Variants in CPQ observed in about 807,000 individuals in gnomAD.
CPQ encodes the protein carboxypeptidase Q.
CPQ carries 37 observed loss-of-function variants against 45.7 expected under a neutral mutation model. That is an observed-to-expected ratio of 0.81 (90% CI 0.62 to 1.07). The LOEUF is 1.07. Among genes scored for constraint, CPQ ranks in the 50% least tolerant of loss-of-function variants. The pLI, the probability that CPQ is intolerant of heterozygous loss-of-function variation, is 0.00. For missense variants in CPQ, 537 were observed against 572.9 expected (o/e 0.94, Z 0.64); for synonymous variants, 186 against 205.8 (o/e 0.90, Z 0.82).
intron 2 of CPQ, among the ~76,000 whole-genome samples, chr8:96,811,603 G>A (rs1004459760): frequency 3.0e-4 from 46 of 152,128 alleles, no homozygotes; most frequent in Admixed American, 2.9e-3. Flanking sequence ...CATTTATGAG[G>A]TAGAACTAGA....
chr8:96,654,164 G>A lies in CPQ; in HGVS notation c.-35+8762G>A, dbSNP rs530078403. ...TAAGGCACTGGTTCAGAAGCACTCC[G>A]TCAAGTTGTCTTCTGTCAATTCCTC... is the stretch of plus-strand genomic sequence containing the variant. On this transcript the variant is annotated intron_variant, in intron 1 of 7. Transcript: ENST00000220763. Among the ~76,000 whole-genome samples, 144 of 152,274 alleles carry A rather than the reference G, an allele frequency of 9.5e-4. 1 individual carries two copies. Among genetic ancestry groups the A allele is most frequent in the African/African-American group, 3.4e-3 (142 of 41,564 alleles).
intron 5 of CPQ, among the ~76,000 whole-genome samples, chr8:96,989,847 G>A (rs1432435249): frequency 6.6e-6 from 1 of 152,064 alleles, no homozygotes; most frequent in East Asian, 1.9e-4. Context: ...ATTGCCTAGT[G>A]GAACAATATG....
At chr8:96,694,279 C>G (rs1809342371) in intron 1 of CPQ, among the ~76,000 whole-genome samples, 1 of 151,432 alleles carries the variant, frequency 6.6e-6, no homozygotes, top group Non-Finnish European at 1.5e-5. Flanking sequence ...TCAGTAATAA[C>G]GTTTAATGTA....
chr8:96,725,282 A>C (rs1349402194), intron 1 of CPQ, among the ~76,000 whole-genome samples: 1 of 152,216 alleles, frequency 6.6e-6, no homozygotes, highest in Non-Finnish European at 1.5e-5. Context: ...AACTATCAAC[A>C]GATTAAATAG....
At chr8:96,748,684 G>C (rs1036651995) in intron 1 of CPQ, among the ~76,000 whole-genome samples, 1 of 152,074 alleles carries the variant, frequency 6.6e-6, no homozygotes, top group Non-Finnish European at 1.5e-5. Context: ...AAATACCAAA[G>C]AAATATTTTT....
intron 5 of CPQ, among the ~76,000 whole-genome samples, chr8:97,024,092 A>T (rs1442646905): frequency 4.6e-5 from 7 of 152,174 alleles, no homozygotes; most frequent in African/African-American, 1.7e-4. Flanking sequence ...GTCTGAAATT[A>T]GTCCTTCTCC....
chr8:97,041,761 G>T (rs918611642), intron 6 of CPQ, among the ~76,000 whole-genome samples: 26 of 152,192 alleles, frequency 1.7e-4, no homozygotes, highest in Middle Eastern at 6.8e-3. Flanking sequence ...TTTTGTCTTT[G>T]GTTCTGTTTA....
At chr8:97,009,985 T>C (rs1465815357) in intron 5 of CPQ, among the ~76,000 whole-genome samples, 1 of 152,204 alleles carries the variant, frequency 6.6e-6, no homozygotes, top group Non-Finnish European at 1.5e-5. Context: ...ATTCCTTGTT[T>C]TCCTTGAGAA....
At chr8:96,725,428 G>A (rs939510061) in intron 1 of CPQ, among the ~76,000 whole-genome samples, 2 of 152,172 alleles carry the variant, frequency 1.3e-5, no homozygotes, top group Non-Finnish European at 2.9e-5. Context: ...CAAAGGACGT[G>A]AACAGACACT....
intron 1 of CPQ, among the ~76,000 whole-genome samples, chr8:96,694,839 A>G (rs1192725206): frequency 1.3e-5 from 2 of 152,174 alleles, no homozygotes; most frequent in African/African-American, 4.8e-5. Flanking sequence ...TAAACAAACT[A>G]ATGGTGTATC....
At chr8:97,019,726 C>T (rs889018794) in intron 5 of CPQ, among the ~76,000 whole-genome samples, 1 of 152,098 alleles carries the variant, frequency 6.6e-6, no homozygotes, top group African/African-American at 2.4e-5. Context: ...ATTTATAAAA[C>T]AATTAGTAAT....
At chr8:96,674,536 T>C (rs1190713055) in intron 1 of CPQ, among the ~76,000 whole-genome samples, 1 of 152,130 alleles carries the variant, frequency 6.6e-6, no homozygotes, top group Non-Finnish European at 1.5e-5. Context: ...CTAAGAGTGA[T>C]TGTATTACAT....
At chr8:97,106,503 C>A (rs1157718009) in intron 7 of CPQ, among the ~76,000 whole-genome samples, 1 of 152,224 alleles carries the variant, frequency 6.6e-6, no homozygotes, top group Non-Finnish European at 1.5e-5. Context: ...GGCACGGCGT[C>A]TAGAGCTGCT....
intron 1 of CPQ, among the ~76,000 whole-genome samples, chr8:96,654,406 A>T (rs1296980667): frequency 6.6e-6 from 1 of 152,194 alleles, no homozygotes; most frequent in Non-Finnish European, 1.5e-5. Flanking sequence ...TTTTTCTATA[A>T]CAATGATGGT....
chr8:96,860,196 C>T (rs1002366747), intron 3 of CPQ, among the ~76,000 whole-genome samples: 3 of 152,196 alleles, frequency 2.0e-5, no homozygotes, highest in African/African-American at 4.8e-5. Flanking sequence ...ACCTTTACAA[C>T]GTGTGCAGTG....
chr8:97,031,871 G>T (rs1230657766), intron 6 of CPQ, among the ~76,000 whole-genome samples: 1 of 152,080 alleles, frequency 6.6e-6, no homozygotes, highest in Non-Finnish European at 1.5e-5. Context: ...TCTTTACCTC[G>T]CCTTTAAAAA....
At chr8:96,922,859 A>G (rs1382869881) in intron 4 of CPQ, among the ~76,000 whole-genome samples, 1 of 152,196 alleles carries the variant, frequency 6.6e-6, no homozygotes, top group Non-Finnish European at 1.5e-5. Context: ...GGATGAGTAC[A>G]TACATGACTG....
At chr8:96,866,021 T>G (rs757716453) in intron 3 of CPQ, among the ~76,000 whole-genome samples, 3 of 152,040 alleles carry the variant, frequency 2.0e-5, no homozygotes, top group Non-Finnish European at 4.4e-5. Flanking sequence ...TGGTTGTACT[T>G]AGAGGCAGAA....
intron 6 of CPQ, among the ~76,000 whole-genome samples, chr8:97,041,970 G>C (rs1194656655): frequency 6.6e-6 from 1 of 152,128 alleles, no homozygotes; most frequent in African/African-American, 2.4e-5. Flanking sequence ...TCTCTGCCAG[G>C]CTTTGGTATC....
Sources: allele counts gnomAD v4.1 joint callset (sites outside exome capture counted in the v4.1 genomes callset), GRCh38; gene constraint gnomAD v4.1.1; transcripts MANE v1.5; gene names NCBI Gene and HGNC (gene_info 2026-07-23, HGNC 2026-07-21).